PLPP4: variants seen among roughly 807,000 people sequenced by gnomAD.
The protein encoded by PLPP4 is phospholipid phosphatase 4.
A neutral mutation model predicts 32.2 loss-of-function variants in PLPP4; 20 were observed. That is an observed-to-expected ratio of 0.62 (90% CI 0.44 to 0.90). The LOEUF (loss-of-function observed/expected upper bound fraction) is 0.90. PLPP4 is among the 40% of genes least tolerant of loss of function. The probability of loss-of-function intolerance (pLI) is 0.00; values close to 1 mark genes in which losing one functional copy is unlikely to be tolerated. For synonymous variants in PLPP4, 127 were observed against 133.0 expected (o/e 0.95, Z 0.31); for missense variants, 257 against 353.1 (o/e 0.73, Z 2.18).
intron 6 of PLPP4, among the ~76,000 whole-genome samples, chr10:120,580,557 T>C (rs1189451020): frequency 2.0e-5 from 3 of 151,978 alleles, no homozygotes; most frequent in African/African-American, 7.3e-5. Flanking sequence ...AATCCAGCTA[T>C]GTCATGTAAG....
At position 120,463,957 on chromosome 10, in the gene PLPP4, G is replaced by A. The variant is rs144828279; in HGVS notation, c.56+6596G>A. 2.3e-4 allele frequency among the ~76,000 whole-genome samples: 35 copies of A among 152,300 alleles called. 1 individual carries two copies. Among genetic ancestry groups the A allele is most frequent in the African/African-American group, 7.7e-4 (32 of 41,556 alleles). ...AGCCTCTCGAGTAGCTGGGACAATAGGTGTGCCATCGCAGCCAGCTATTTT... is the reference window on the plus strand; with the variant it reads ...AGCCTCTCGAGTAGCTGGGACAATAAGTGTGCCATCGCAGCCAGCTATTTT... On this transcript the variant is annotated intron_variant, in intron 1 of 6. Transcript: ENST00000398250.
At chr10:120,507,744 C>T (rs950163357) in intron 2 of PLPP4, among the ~76,000 whole-genome samples, 11 of 151,886 alleles carry the variant, frequency 7.2e-5, no homozygotes, top group Non-Finnish European at 1.6e-4. Context: ...AGTATCTATG[C>T]GTAAGGGCTA....
chr10:120,492,978 A>G (rs1844789022), intron 1 of PLPP4, among the ~76,000 whole-genome samples: 1 of 152,138 alleles, frequency 6.6e-6, no homozygotes, highest in East Asian at 1.9e-4. Flanking sequence ...ACCCCCCTAA[A>G]TGTTTCAGCT....
At chr10:120,500,079 C>T (rs572959627) in intron 1 of PLPP4, among the ~76,000 whole-genome samples, 19 of 152,264 alleles carry the variant, frequency 1.2e-4, no homozygotes, top group Admixed American at 3.9e-4. Context: ...GAAGGGACAT[C>T]AATCTTTCTT....
intron 5 of PLPP4, among the ~76,000 whole-genome samples, chr10:120,547,623 G>A (rs1040409741): frequency 5.9e-5 from 9 of 152,168 alleles, no homozygotes; most frequent in Non-Finnish European, 1.3e-4. Flanking sequence ...AAAACTGAGA[G>A]ACATCCCTTT....
intron 5 of PLPP4, 96 bp from the exon 6 acceptor site, chr10:120,575,034 TG>T: frequency 1.5e-6 from 2 of 1,315,008 alleles, no homozygotes. Flanking sequence ...GCCTTGGCCT[TG>T]GGGGTGTGCA....
chr10:120,472,303 G>GA (rs1848551193), intron 1 of PLPP4, among the ~76,000 whole-genome samples: 1 of 152,044 alleles, frequency 6.6e-6, no homozygotes, highest in Admixed American at 6.5e-5. Flanking sequence ...TTGTTTTCTT[G>GA]AAATTATTAA....
chr10:120,512,505 C>G (rs889133750), intron 2 of PLPP4, among the ~76,000 whole-genome samples: 2 of 152,084 alleles, frequency 1.3e-5, no homozygotes, highest in African/African-American at 4.8e-5. Context: ...AAGACAGTTC[C>G]CAAAGAGGAG....
At position 120,548,739 on chromosome 10, in the gene PLPP4, T is replaced by C. The variant is rs1344382231; in HGVS notation, c.446-26392T>C. 2.0e-5 allele frequency among the ~76,000 whole-genome samples: 3 copies of C among 152,164 alleles called. No individual in the cohort carries two copies. The East Asian group carries it at 5.8e-4, about 29-fold the overall frequency. On this transcript the variant is annotated intron_variant, in intron 5 of 6. Transcript: ENST00000398250. ...TTTCCACAACCTCGCCAACATCTGT[T>C]ATTTTTTTACTTTTTAATAGTAACC...
intron 1 of PLPP4, among the ~76,000 whole-genome samples, chr10:120,494,968 C>A (rs1031244063): frequency 6.6e-5 from 10 of 152,042 alleles, no homozygotes; most frequent in African/African-American, 2.4e-4. Context: ...ATTGCAGATG[C>A]CATTGAGCTG....
intron 2 of PLPP4, among the ~76,000 whole-genome samples, chr10:120,506,578 T>G (rs186991868): frequency 8.3e-4 from 126 of 152,360 alleles, no homozygotes; most frequent in African/African-American, 2.9e-3. Context: ...ATGAACTTTC[T>G]TTCTTACCAA....
intron 2 of PLPP4, among the ~76,000 whole-genome samples, chr10:120,513,105 T>C (rs1845795325): frequency 6.6e-6 from 1 of 152,172 alleles, no homozygotes; most frequent in Non-Finnish European, 1.5e-5. Flanking sequence ...TTAAAAACAA[T>C]TTACTAATTA....
chr10:120,475,978 C>T (rs1028887034), intron 1 of PLPP4, among the ~76,000 whole-genome samples: 3 of 152,322 alleles, frequency 2.0e-5, no homozygotes, highest in South Asian at 2.1e-4. Context: ...CCTGCAGGCT[C>T]GGACATGCAT....
chr10:120,473,879 G>A lies in PLPP4; in HGVS notation c.56+16518G>A, dbSNP rs11199362. Reference sequence around the variant, plus strand: ...CCCCAGCCATGCTCCCTGTACAGTGGAACCATGAGCTAGTTAAACCTCTTT... The same window carrying A: ...CCCCAGCCATGCTCCCTGTACAGTGAAACCATGAGCTAGTTAAACCTCTTT... On this transcript the variant is annotated intron_variant, in intron 1 of 6. Transcript: ENST00000398250. Among the ~76,000 whole-genome samples, 447 of 152,240 alleles carry A rather than the reference G, an allele frequency of 2.9e-3. 23 individuals carry two copies. In the East Asian group the frequency reaches 0.078, roughly 27 times the overall value.
At chr10:120,462,125 G>T (rs923262561) in intron 1 of PLPP4, among the ~76,000 whole-genome samples, 9 of 152,064 alleles carry the variant, frequency 5.9e-5, no homozygotes, top group African/African-American at 1.9e-4. Flanking sequence ...AGGTGTACAG[G>T]TCCTAGGCCC....
At chr10:120,458,362 A>T (rs1325747781) in intron 1 of PLPP4, among the ~76,000 whole-genome samples, 5 of 152,142 alleles carry the variant, frequency 3.3e-5, no homozygotes, top group Admixed American at 2.0e-4. Flanking sequence ...TGGATTTGCC[A>T]TGCATTTATT....
At chr10:120,497,349 G>A (rs1350759503) in intron 1 of PLPP4, among the ~76,000 whole-genome samples, 5 of 152,066 alleles carry the variant, frequency 3.3e-5, no homozygotes, top group Non-Finnish European at 5.9e-5. Context: ...TAATTTGAGT[G>A]GATTATCCCT....
intron 1 of PLPP4, among the ~76,000 whole-genome samples, chr10:120,459,243 T>G (rs78821836): frequency 2.0e-3 from 303 of 152,358 alleles, no homozygotes; most frequent in African/African-American, 7.0e-3. Flanking sequence ...GGATCTGTTG[T>G]CACACATGGA....
At chr10:120,534,903 T>C (rs1846937510) in intron 5 of PLPP4, among the ~76,000 whole-genome samples, 1 of 152,162 alleles carries the variant, frequency 6.6e-6, no homozygotes, top group Non-Finnish European at 1.5e-5. Context: ...AAGAGAATTA[T>C]AATGGCTACT....
Sources: allele counts gnomAD v4.1 joint callset (sites outside exome capture counted in the v4.1 genomes callset), GRCh38; gene constraint gnomAD v4.1.1; transcripts MANE v1.5; gene names NCBI Gene and HGNC (gene_info 2026-07-23, HGNC 2026-07-21).